Variants in IDE observed in about 807,000 individuals in gnomAD.
IDE encodes the protein insulin degrading enzyme, also known as insulin-degrading enzyme.
A neutral mutation model predicts 133.2 loss-of-function variants in IDE; 58 were observed. The ratio of observed to expected loss-of-function variants is 0.44; its 90% CI spans 0.35 to 0.54. IDE has a LOEUF of 0.54. Ranked by LOEUF, IDE falls within the 20% of genes least tolerant of loss-of-function variation. IDE has a pLI of 0.00. For synonymous variants in IDE, 396 were observed against 421.3 expected, an observed-to-expected ratio of 0.94 and a Z score of 0.73; for missense variants, 981 against 1,234.0, an observed-to-expected ratio of 0.79 and a Z score of 3.07.
In IDE at chr10:92,537,501, T is replaced by C. The variant is rs988315304; in HGVS notation, c.148A>G (p.Ile50Val). The C allele has an allele frequency of 5.0e-6, 8 of 1,613,016 alleles. No individual in the cohort carries two copies. Among genetic ancestry groups the C allele is most frequent in the Non-Finnish European group, 6.8e-6 (8 of 1,179,680 alleles). Residue 50 changes from isoleucine (I) to valine (V), a missense_variant, in exon 2 of 25, where the codon ATA becomes GTA. Around this residue, in one of 2 missense-constraint regions of IDE, gnomAD observed 321 missense variants for 339.3 expected, o/e 0.95. Coordinates refer to ENST00000265986, the MANE Select transcript of IDE (RefSeq NM_004969.4). Reference sequence around the variant, plus strand: ...GGAGACTTGGTAATGTGATTTCCTATTCTCTTGATGGCTGGATTATTCATT... The same window carrying C: ...GGAGACTTGGTAATGTGATTTCCTACTCTCTTGATGGCTGGATTATTCATT... ...SKMNNPAIKRIGNHITKSPED... is the reference protein window; with the variant it reads ...SKMNNPAIKRVGNHITKSPED...
intron 1 of IDE, among the ~76,000 whole-genome samples, chr10:92,540,372 T>A (rs967521925): frequency 6.6e-6 from 1 of 152,146 alleles, no homozygotes; most frequent in Admixed American, 6.5e-5. Flanking sequence ...TCAATATAAA[T>A]TAAACTATTT....
At chr10:92,461,126 C>G in intron 22 of IDE, 65 bp downstream of exon 22, 1 of 794,780 alleles carries the variant, frequency 1.3e-6, no homozygotes, top group East Asian at 2.6e-5. Context: ...CAGGTGTAGG[C>G]CGCCATACCC....
intron 22 of IDE, among the ~76,000 whole-genome samples, chr10:92,457,481 T>TCCA (rs36119168): frequency 0.22 from 33,224 of 151,696 alleles, 3,962 homozygotes; most frequent in Non-Finnish European, 0.26. Context: ...CTCTCTCCAT[T>TCCA]CCACCATGCT....
intron 1 of IDE, among the ~76,000 whole-genome samples, chr10:92,552,471 G>C (rs544055039): frequency 6.6e-6 from 1 of 152,158 alleles, no homozygotes; most frequent in East Asian, 1.9e-4. Flanking sequence ...TGTATATGTG[G>C]CTGTCCACCA....
chr10:92,510,824 T>G (rs1247076795), intron 5 of IDE, among the ~76,000 whole-genome samples: 1 of 150,882 alleles, frequency 6.6e-6, no homozygotes, highest in Non-Finnish European at 1.5e-5. Flanking sequence ...ATATATGATA[T>G]ATAGCACATA....
intron 5 of IDE, among the ~76,000 whole-genome samples, chr10:92,510,812 A>G (rs1320096428): frequency 1.3e-5 from 2 of 150,952 alleles, no homozygotes; most frequent in Non-Finnish European, 3.0e-5. Flanking sequence ...CATACATATC[A>G]CATATATGAT....
intron 1 of IDE, among the ~76,000 whole-genome samples, chr10:92,557,327 G>A (rs1473880966): frequency 6.6e-6 from 1 of 150,946 alleles, no homozygotes; most frequent in African/African-American, 2.4e-5. Context: ...ACGAGGTCAG[G>A]AGATCGAGAA....
At chr10:92,465,328 C>G (rs1354801806) in intron 20 of IDE, among the ~76,000 whole-genome samples, 1 of 152,174 alleles carries the variant, frequency 6.6e-6, no homozygotes, top group African/African-American at 2.4e-5. Flanking sequence ...ATAATACCTG[C>G]CCTCAAGGAA....
chr10:92,514,036 C>A (rs1475853913), intron 5 of IDE, among the ~76,000 whole-genome samples: 2 of 152,174 alleles, frequency 1.3e-5, no homozygotes, highest in Non-Finnish European at 2.9e-5. Context: ...CTCCTATTAA[C>A]ATTTAGATTT....
chr10:92,466,523 G>A (rs947846967), intron 19 of IDE, among the ~76,000 whole-genome samples: 17 of 151,980 alleles, frequency 1.1e-4, no homozygotes, highest in Admixed American at 6.6e-5. Flanking sequence ...TGCCATGTTG[G>A]CCACGCTGGT....
At chr10:92,467,279 C>T (rs1266189613) in intron 19 of IDE, among the ~76,000 whole-genome samples, 1 of 152,012 alleles carries the variant, frequency 6.6e-6, no homozygotes, top group Non-Finnish European at 1.5e-5. Context: ...TTCTATTTTA[C>T]CCAGCCTAAT....
At chr10:92,521,879 G>T (rs1254723674) in intron 4 of IDE, among the ~76,000 whole-genome samples, 1 of 151,954 alleles carries the variant, frequency 6.6e-6, no homozygotes, top group African/African-American at 2.4e-5. Context: ...AAAATGAATT[G>T]CTATGTTTTA....
At chr10:92,479,161 GC>G (rs1268025866) in intron 15 of IDE, 115 bp downstream of exon 15, 9 of 628,354 alleles carry the variant, frequency 1.4e-5, no homozygotes, top group Non-Finnish European at 2.1e-5. Flanking sequence ...AATATGATTA[GC>G]CATAAAGATT....
chr10:92,534,883 T>C, intron 2 of IDE, 98 bp from the exon 3 acceptor site: 1 of 793,668 alleles, frequency 1.3e-6, no homozygotes, highest in Non-Finnish European at 2.0e-6. Context: ...CAACTCCAAC[T>C]ATATAATCAG....
chr10:92,478,327 T>C (rs1846393940), intron 15 of IDE, among the ~76,000 whole-genome samples: 1 of 152,222 alleles, frequency 6.6e-6, no homozygotes, highest in African/African-American at 2.4e-5. Flanking sequence ...CAACTATGGA[T>C]ATCTTCTACT....
intron 1 of IDE, among the ~76,000 whole-genome samples, chr10:92,569,190 T>G (rs1843681964): frequency 1.3e-5 from 2 of 152,164 alleles, no homozygotes; most frequent in Admixed American, 1.3e-4. Flanking sequence ...GAATAGGTCA[T>G]GTAAAAGGAG....
chr10:92,456,390 G>A lies in IDE; in HGVS notation c.2865C>T (p.Ser955=), dbSNP rs769078696. ...CCATTTCCCTGGCAAGAACATGGAC[G>A]GATACCTTATGTCTCCTTGGAGCAT... ...AVDAPRRHKV[S]VHVLAREMDS... The change falls in exon 23 of 25, where the codon TCC becomes TCT. Residue 955 remains serine, a synonymous_variant. Coordinates refer to ENST00000265986, the MANE Select transcript of IDE (RefSeq NM_004969.4). The A allele has an allele frequency of 1.1e-5, 17 of 1,613,702 alleles. No individual in the cohort carries two copies. Among genetic ancestry groups the A allele is most frequent in the Middle Eastern group, 1.7e-4 (1 of 6,058 alleles).
At chr10:92,515,675 C>T (rs1249183561) in intron 4 of IDE, among the ~76,000 whole-genome samples, 1 of 150,472 alleles carries the variant, frequency 6.6e-6, no homozygotes, top group African/African-American at 2.4e-5. Context: ...GATTCTCCTG[C>T]CTCTGCCTCT....
At chr10:92,469,429 C>A (rs1382845126) in intron 18 of IDE, among the ~76,000 whole-genome samples, 2 of 151,374 alleles carry the variant, frequency 1.3e-5, no homozygotes, top group Non-Finnish European at 2.9e-5. Flanking sequence ...ACCAAGGGAT[C>A]TTTTCTTTTT....
Sources: allele counts gnomAD v4.1 joint callset (sites outside exome capture counted in the v4.1 genomes callset), GRCh38; gene constraint gnomAD v4.1.1; regional missense constraint gnomAD v4.1.1; transcripts MANE v1.5; gene names NCBI Gene and HGNC (gene_info 2026-07-23, HGNC 2026-07-21).